The following KPNA1 variants were observed in gnomAD, a reference collection of about 807,000 sequenced individuals.
The protein encoded by KPNA1 is importin subunit alpha-5.
KPNA1 carries 10 observed loss-of-function variants against 70.5 expected under a neutral mutation model. The observed-to-expected ratio is 0.14, with a 90% confidence interval of 0.09 to 0.24. KPNA1 has a LOEUF of 0.24. KPNA1 is among the 10% of genes least tolerant of loss of function. KPNA1 has a pLI of 1.00. For missense variants in KPNA1, 397 were observed against 637.9 expected (o/e 0.62, Z 4.07); for synonymous variants, 192 against 221.9 (o/e 0.87, Z 1.20).
At chr3:122,451,479 C>T (rs2076201932) in intron 8 of KPNA1, 55 bp downstream of exon 8, 1 of 907,480 alleles carries the variant, frequency 1.1e-6, no homozygotes, top group Non-Finnish European at 1.7e-6. Flanking sequence ...CCATTGGTTG[C>T]AATACTCTTT....
chr3:122,476,861 C>CAAATAAAAAAAAA (rs2076503816), intron 2 of KPNA1, among the ~76,000 whole-genome samples: 1 of 65,490 alleles, frequency 1.5e-5, no homozygotes, highest in African/African-American at 5.8e-5. Context: ...GGAGGTTCCA[C>CAAATAAAAAAAAA]AAAAAAAAAA....
At chr3:122,448,980 T>A (rs2076170453) in intron 9 of KPNA1, among the ~76,000 whole-genome samples, 1 of 152,234 alleles carries the variant, frequency 6.6e-6, no homozygotes, top group Admixed American at 6.5e-5. Flanking sequence ...ATATTCCAAA[T>A]GTCATGTTTG....
At chr3:122,446,665 T>G (rs1225055819) in intron 9 of KPNA1, among the ~76,000 whole-genome samples, 3 of 151,858 alleles carry the variant, frequency 2.0e-5, no homozygotes, top group Non-Finnish European at 2.9e-5. Flanking sequence ...AAGAAATAAC[T>G]AAGATCAGAG....
intron 2 of KPNA1, among the ~76,000 whole-genome samples, chr3:122,487,866 CTG>C (rs551276735): frequency 3.9e-5 from 6 of 152,122 alleles, no homozygotes; most frequent in Non-Finnish European, 7.3e-5. Flanking sequence ...CACTACTGAA[CTG>C]TACACTTAAA....
intron 11 of KPNA1, among the ~76,000 whole-genome samples, chr3:122,435,463 A>G (rs2075972703): frequency 6.6e-6 from 1 of 152,220 alleles, no homozygotes; most frequent in Non-Finnish European, 1.5e-5. Flanking sequence ...GGCAATCTAC[A>G]TGGGTCCACT....
chr3:122,479,427 C>T (rs1294384394), intron 2 of KPNA1, among the ~76,000 whole-genome samples: 1 of 152,152 alleles, frequency 6.6e-6, no homozygotes, highest in Admixed American at 6.5e-5. Context: ...CAAAATGGTA[C>T]AGCCACTTTG....
chr3:122,481,056 T>G (rs1277599026), intron 2 of KPNA1, among the ~76,000 whole-genome samples: 1 of 152,196 alleles, frequency 6.6e-6, no homozygotes, highest in Non-Finnish European at 1.5e-5. Flanking sequence ...AATAAAAATG[T>G]AAAATGGTAC....
intron 2 of KPNA1, 111 bp downstream of exon 2, chr3:122,496,326 A>T: frequency 1.2e-6 from 1 of 817,152 alleles, no homozygotes; most frequent in South Asian, 1.7e-5. Flanking sequence ...GAAAACACAC[A>T]CACACACACA....
chr3:122,464,728 T>C (rs1189484660), intron 3 of KPNA1, among the ~76,000 whole-genome samples: 2 of 152,204 alleles, frequency 1.3e-5, no homozygotes, highest in African/African-American at 4.8e-5. Context: ...TTTCCCACCA[T>C]AACTCATCCC....
At chr3:122,498,474 C>T (rs2076788358) in intron 1 of KPNA1, among the ~76,000 whole-genome samples, 1 of 152,190 alleles carries the variant, frequency 6.6e-6, no homozygotes, top group Admixed American at 6.5e-5. Context: ...TTTCTATTGT[C>T]TGTTAGCCAC....
intron 11 of KPNA1, among the ~76,000 whole-genome samples, chr3:122,434,369 T>C (rs536271854): frequency 2.4e-4 from 37 of 152,336 alleles, no homozygotes; most frequent in African/African-American, 8.4e-4. Flanking sequence ...CAGTAACAAA[T>C]TGTTAAGAGC....
chr3:122,476,884 A>C (rs903617947), intron 2 of KPNA1, among the ~76,000 whole-genome samples: 3 of 138,648 alleles, frequency 2.2e-5, no homozygotes, highest in Non-Finnish European at 4.7e-5. Context: ...AAAAAAAAAA[A>C]CTAAAAAAAG....
intron 1 of KPNA1, among the ~76,000 whole-genome samples, chr3:122,513,784 G>T (rs2076982718): frequency 6.6e-6 from 1 of 152,140 alleles, no homozygotes; most frequent in African/African-American, 2.4e-5. Context: ...ATACTCTGCA[G>T]AGCTGGGTGT....
chr3:122,428,149 T>C (rs914013455), intron 12 of KPNA1, among the ~76,000 whole-genome samples: 3 of 152,172 alleles, frequency 2.0e-5, no homozygotes, highest in Admixed American at 2.0e-4. Flanking sequence ...TTTAGTAAAG[T>C]AAGTTGTGGG....
At chr3:122,490,149 C>G (rs184557547) in intron 2 of KPNA1, among the ~76,000 whole-genome samples, 29 of 152,326 alleles carry the variant, frequency 1.9e-4, no homozygotes, top group Admixed American at 7.8e-4. Context: ...CTGAGGAAAG[C>G]CTTTGAAGAT....
chr3:122,512,615 T>A (rs1267845292), intron 1 of KPNA1, among the ~76,000 whole-genome samples: 2 of 152,172 alleles, frequency 1.3e-5, no homozygotes, highest in Non-Finnish European at 2.9e-5. Flanking sequence ...TCCCAGCTAC[T>A]CAGGCAGTCT....
At chr3:122,464,836 G>A (rs1363456815) in intron 3 of KPNA1, among the ~76,000 whole-genome samples, 1 of 152,178 alleles carries the variant, frequency 6.6e-6, no homozygotes, top group Non-Finnish European at 1.5e-5. Flanking sequence ...GAATTGTGAA[G>A]AAAGCTGCAC....
intron 1 of KPNA1, among the ~76,000 whole-genome samples, chr3:122,506,207 T>C (rs1417169953): frequency 6.6e-6 from 1 of 152,198 alleles, no homozygotes. Context: ...ATATTTAAAA[T>C]CCATAATACT....
intron 10 of KPNA1, among the ~76,000 whole-genome samples, chr3:122,439,525 A>G (rs745595863): frequency 2.7e-5 from 4 of 149,734 alleles, no homozygotes; most frequent in Non-Finnish European, 4.4e-5. Flanking sequence ...CTATGCCCCA[A>G]AAATAATAGG....
Sources: gnomAD v4.1 joint callset for allele counts (sites outside exome capture counted in the v4.1 genomes callset) on GRCh38, gnomAD v4.1.1 for gene constraint, MANE v1.5 for transcripts, NCBI Gene and HGNC (gene_info 2026-07-23, HGNC 2026-07-21) for gene names.